Variants in ZNF804A observed in about 807,000 individuals in gnomAD.
The protein encoded by ZNF804A is zinc finger protein 804A.
A neutral mutation model predicts 16.5 loss-of-function variants in ZNF804A; 2 were observed. That is an observed-to-expected ratio of 0.12 (90% CI 0.05 to 0.38). The LOEUF is 0.38. Among genes scored for constraint, ZNF804A ranks in the 10% least tolerant of loss-of-function variants. ZNF804A has a pLI of 0.99. For synonymous variants in ZNF804A, 534 were observed against 489.6 expected, an observed-to-expected ratio of 1.09 and a Z score of -1.20; for missense variants, 1,473 against 1,390.7, an observed-to-expected ratio of 1.06 and a Z score of -0.94.
At chr2:184,609,846 CA>C (rs1691208545) in intron 1 of ZNF804A, among the ~76,000 whole-genome samples, 1 of 152,206 alleles carries the variant, frequency 6.6e-6, no homozygotes, top group Non-Finnish European at 1.5e-5. Flanking sequence ...TCATAGCACC[CA>C]TCTGTATTGT....
chr2:184,836,357 T>C (rs1351375899), intron 1 of ZNF804A, among the ~76,000 whole-genome samples: 2 of 151,630 alleles, frequency 1.3e-5, no homozygotes, highest in African/African-American at 4.9e-5. Context: ...CCTAGGGGAG[T>C]TGTTTGTGCA....
intron 2 of ZNF804A, among the ~76,000 whole-genome samples, chr2:184,899,665 G>A (rs951212144): frequency 7.2e-5 from 11 of 151,794 alleles, no homozygotes; most frequent in South Asian, 4.1e-4. Flanking sequence ...AATTGAAAAA[G>A]TAATACTTTC....
intron 1 of ZNF804A, among the ~76,000 whole-genome samples, chr2:184,843,914 T>C (rs974003415): frequency 6.6e-6 from 1 of 152,128 alleles, no homozygotes; most frequent in African/African-American, 2.4e-5. Context: ...ATCTACCATG[T>C]TTTTAATGTT....
At chr2:184,784,927 T>C (rs957323225) in intron 1 of ZNF804A, among the ~76,000 whole-genome samples, 1 of 152,008 alleles carries the variant, frequency 6.6e-6, no homozygotes, top group Non-Finnish European at 1.5e-5. Flanking sequence ...GCTGACCCAG[T>C]GCCTCCAAAA....
chr2:184,682,010 C>T (rs1461029116), intron 1 of ZNF804A, among the ~76,000 whole-genome samples: 2 of 152,208 alleles, frequency 1.3e-5, no homozygotes, highest in African/African-American at 4.8e-5. Flanking sequence ...GCAGCACAGA[C>T]ACGACAGCAC....
intron 1 of ZNF804A, among the ~76,000 whole-genome samples, chr2:184,639,989 G>A (rs1489290086): frequency 1.3e-5 from 2 of 151,928 alleles, no homozygotes; most frequent in Non-Finnish European, 2.9e-5. Context: ...GCGACAGGGC[G>A]AGACTGCGTC....
At chr2:184,691,535 A>G (rs1185464868) in intron 1 of ZNF804A, among the ~76,000 whole-genome samples, 3 of 151,900 alleles carry the variant, frequency 2.0e-5, no homozygotes, top group Admixed American at 2.0e-4. Context: ...GAATCTATAC[A>G]TAAACCTTTA....
intron 1 of ZNF804A, among the ~76,000 whole-genome samples, chr2:184,809,527 C>T (rs941089450): frequency 1.3e-5 from 2 of 151,694 alleles, no homozygotes; most frequent in Non-Finnish European, 2.9e-5. Context: ...TGAAAAGACA[C>T]AGTTGAAGTA....
At chr2:184,658,194 T>C (rs908228711) in intron 1 of ZNF804A, among the ~76,000 whole-genome samples, 28 of 152,032 alleles carry the variant, frequency 1.8e-4, no homozygotes, top group South Asian at 4.1e-4. Flanking sequence ...GAAGTTTTTT[T>C]CCCCCCAGGC....
intron 1 of ZNF804A, among the ~76,000 whole-genome samples, chr2:184,859,968 T>C (rs1412748166): frequency 6.6e-6 from 1 of 152,152 alleles, no homozygotes; most frequent in East Asian, 1.9e-4. Flanking sequence ...CTAGGAAGGG[T>C]TTGGCATTTG....
chr2:184,807,525 TC>T (rs1386302433), intron 1 of ZNF804A, among the ~76,000 whole-genome samples: 1 of 151,836 alleles, frequency 6.6e-6, no homozygotes, highest in Admixed American at 6.6e-5. Flanking sequence ...GAACTTAGAT[TC>T]TTTTTTTGTC....
intron 2 of ZNF804A, among the ~76,000 whole-genome samples, chr2:184,920,828 TC>T (rs1201315251): frequency 6.6e-6 from 1 of 152,170 alleles, no homozygotes; most frequent in Non-Finnish European, 1.5e-5. Flanking sequence ...GGAAATGAAT[TC>T]CACCAATAGC....
chr2:184,644,501 T>C (rs1691842288), intron 1 of ZNF804A, among the ~76,000 whole-genome samples: 1 of 151,844 alleles, frequency 6.6e-6, no homozygotes, highest in Non-Finnish European at 1.5e-5. Flanking sequence ...AAAAAATCTG[T>C]AATTATTTGT....
At chr2:184,912,843 A>G (rs1685384533) in intron 2 of ZNF804A, among the ~76,000 whole-genome samples, 1 of 152,054 alleles carries the variant, frequency 6.6e-6, no homozygotes, top group Admixed American at 6.6e-5. Context: ...CCTTTATAAG[A>G]TACATTATTT....
intron 1 of ZNF804A, among the ~76,000 whole-genome samples, chr2:184,601,529 G>C (rs1219863846): frequency 6.6e-6 from 1 of 151,796 alleles, no homozygotes; most frequent in Non-Finnish European, 1.5e-5. Flanking sequence ...GCTTATCATG[G>C]TTTTACAGTT....
At chr2:184,824,891 G>C (rs140665361) in intron 1 of ZNF804A, among the ~76,000 whole-genome samples, 1 of 152,046 alleles carries the variant, frequency 6.6e-6, no homozygotes, top group Admixed American at 6.6e-5. Flanking sequence ...AACGACCAAG[G>C]TTCAAAGGGA....
intron 1 of ZNF804A, among the ~76,000 whole-genome samples, chr2:184,751,236 A>G (rs1693873104): frequency 1.3e-5 from 2 of 151,458 alleles, no homozygotes; most frequent in African/African-American, 4.8e-5. Flanking sequence ...ATTTTTAAAT[A>G]TTTAATAACC....
intron 1 of ZNF804A, among the ~76,000 whole-genome samples, chr2:184,746,785 G>A (rs1484460610): frequency 6.6e-6 from 1 of 151,170 alleles, no homozygotes; most frequent in Non-Finnish European, 1.5e-5. Context: ...TCCCACAAAT[G>A]AGTGAGAATA....
At chr2:184,873,570 T>C (rs1696008120) in intron 2 of ZNF804A, among the ~76,000 whole-genome samples, 2 of 152,292 alleles carry the variant, frequency 1.3e-5, no homozygotes, top group South Asian at 4.1e-4. Context: ...TACTAGGAAT[T>C]TGTAATAACA....
Sources: allele counts gnomAD v4.1 joint callset (sites outside exome capture counted in the v4.1 genomes callset), GRCh38; gene constraint gnomAD v4.1.1; transcripts MANE v1.5; gene names NCBI Gene and HGNC (gene_info 2026-07-23, HGNC 2026-07-21).